Variants in PDE4D observed in about 807,000 individuals in gnomAD.
The protein encoded by PDE4D is phosphodiesterase 4D.
A neutral mutation model predicts 87.4 loss-of-function variants in PDE4D; 24 were observed. The observed-to-expected ratio is 0.27, with a 90% CI of 0.20 to 0.39. The LOEUF is 0.39. Ranked by LOEUF, PDE4D falls within the 10% of genes least tolerant of loss-of-function variation. The pLI is 1.00. For missense variants in PDE4D, 714 were observed against 1,041.0 expected (o/e 0.69, Z 4.32); for synonymous variants, 384 against 383.2 (o/e 1.00, Z -0.02).
intron 5 of PDE4D, among the ~76,000 whole-genome samples, chr5:59,166,931 G>A (rs1024952642): frequency 3.3e-5 from 5 of 152,118 alleles, no homozygotes; most frequent in African/African-American, 7.2e-5. Flanking sequence ...TTCCAGAGAT[G>A]GCTGTTTTGA....
intron 1 of PDE4D, among the ~76,000 whole-genome samples, chr5:59,352,827 T>C (rs1280618953): frequency 6.6e-6 from 1 of 152,178 alleles, no homozygotes; most frequent in Non-Finnish European, 1.5e-5. Flanking sequence ...ATAAATTTAC[T>C]CATTAGACCT....
intron 1 of PDE4D, among the ~76,000 whole-genome samples, chr5:59,537,512 T>C (rs1454930028): frequency 1.3e-5 from 2 of 152,258 alleles, no homozygotes; most frequent in Non-Finnish European, 2.9e-5. Context: ...GCTCTCTTTA[T>C]TCTCAAGGCT....
intron 1 of PDE4D, among the ~76,000 whole-genome samples, chr5:59,286,970 G>A (rs1767073125): frequency 6.6e-6 from 1 of 152,008 alleles, no homozygotes; most frequent in Non-Finnish European, 1.5e-5. Flanking sequence ...GGAGCCATAT[G>A]GCTAAATAGC....
chr5:59,905,684 C>A (rs1026171650), intron 3 of PDE4D, among the ~76,000 whole-genome samples: 7 of 151,990 alleles, frequency 4.6e-5, no homozygotes, highest in Non-Finnish European at 8.8e-5. Context: ...ATGTAAAATG[C>A]TCAGCACAAT....
chr5:59,474,273 A>G (rs976314702), intron 1 of PDE4D, among the ~76,000 whole-genome samples: 2 of 152,140 alleles, frequency 1.3e-5, no homozygotes, highest in East Asian at 3.8e-4. Flanking sequence ...TTATATGACA[A>G]AGTTAACCAA....
Position 59,085,544 on chromosome 5 carries a change from G to A in PDE4D, c.809-46573C>T, listed in dbSNP as rs867504203. On this transcript the variant is annotated intron_variant, in intron 5 of 14. Transcript: ENST00000340635. The stretch of plus-strand genomic sequence containing the variant: ...CCAGGTTGTTCATGGAATTTATCAT[G>A]CAAACAACTACCCTCTTGAGAGAGT... Among the ~76,000 whole-genome samples, 4 of 152,230 alleles carry A rather than the reference G, an allele frequency of 2.6e-5. No homozygotes were observed. In the Middle Eastern group the frequency reaches 0.014, roughly 521 times the overall value.
intron 6 of PDE4D, among the ~76,000 whole-genome samples, chr5:58,994,485 G>C (rs538710633): frequency 4.3e-4 from 66 of 152,058 alleles, no homozygotes; most frequent in African/African-American, 1.6e-3. Flanking sequence ...TAGAGTAACT[G>C]CTATTAGATA....
chr5:59,658,822 T>G (rs886140824), intron 1 of PDE4D, among the ~76,000 whole-genome samples: 3 of 151,184 alleles, frequency 2.0e-5, no homozygotes, highest in Non-Finnish European at 2.9e-5. Flanking sequence ...GTGTGAGTGT[T>G]CGTGTGTGTG....
At chr5:59,949,828 A>G (rs898571242) in intron 3 of PDE4D, among the ~76,000 whole-genome samples, 2 of 152,170 alleles carry the variant, frequency 1.3e-5, no homozygotes, top group African/African-American at 4.8e-5. Context: ...TTTTCCTTAT[A>G]TAACTGTAGA....
intron 1 of PDE4D, among the ~76,000 whole-genome samples, chr5:60,505,937 C>T (rs1378344092): frequency 6.6e-6 from 1 of 152,202 alleles, no homozygotes; most frequent in African/African-American, 2.4e-5. Flanking sequence ...CTGTCTCTAG[C>T]CCAGTCAGGA....
At chr5:59,736,586 C>T (rs1279448156) in intron 1 of PDE4D, among the ~76,000 whole-genome samples, 3 of 151,264 alleles carry the variant, frequency 2.0e-5, no homozygotes, top group African/African-American at 7.3e-5. Context: ...GGCTGAGGCA[C>T]GAGAATTGCT....
At chr5:59,909,002 T>C (rs1004082742) in intron 3 of PDE4D, among the ~76,000 whole-genome samples, 17 of 152,204 alleles carry the variant, frequency 1.1e-4, no homozygotes, top group Admixed American at 6.5e-4. Context: ...CACTGGCTTT[T>C]TAAAGTAAGT....
intron 1 of PDE4D, among the ~76,000 whole-genome samples, chr5:59,788,240 G>C (rs1020994680): frequency 6.6e-6 from 1 of 152,128 alleles, no homozygotes. Flanking sequence ...AAAAAAAAGA[G>C]ACAAGGTTTG....
intron 1 of PDE4D, among the ~76,000 whole-genome samples, chr5:59,712,462 CT>C (rs1754349845): frequency 1.4e-5 from 2 of 140,238 alleles, no homozygotes; most frequent in Admixed American, 1.4e-4. Context: ...CTTTATGTTA[CT>C]CATTAAAACC....
At chr5:60,060,378 T>G (rs1199347136) in intron 2 of PDE4D, among the ~76,000 whole-genome samples, 1 of 152,108 alleles carries the variant, frequency 6.6e-6, no homozygotes, top group Non-Finnish European at 1.5e-5. Flanking sequence ...TTTCTATCTG[T>G]TCCCATGTGT....
chr5:60,401,247 G>A (rs889298032), intron 1 of PDE4D, among the ~76,000 whole-genome samples: 1 of 152,130 alleles, frequency 6.6e-6, no homozygotes, highest in Non-Finnish European at 1.5e-5. Context: ...CAAAAAGCCG[G>A]CTTCATGCTC....
intron 1 of PDE4D, among the ~76,000 whole-genome samples, chr5:59,229,631 A>G (rs1392832941): frequency 2.6e-5 from 4 of 152,300 alleles, no homozygotes; most frequent in African/African-American, 9.6e-5. Context: ...AGCTGCTAGT[A>G]CCACTTCTTA....
rs989696740 is a variant in PDE4D at position 59,219,192 on chromosome 5, A to T, written c.456-3224T>A. On this transcript the variant is annotated intron_variant, in intron 1 of 14. Transcript: ENST00000340635. The stretch of plus-strand genomic sequence containing the variant: ...ACATGTACCCTAAAACTTAAAGTAT[A>T]ATTAAAAAAAAAAAAGAAAAGAAAA... 9.8e-4 allele frequency among the ~76,000 whole-genome samples: 141 copies of T among 143,922 alleles called. 2 individuals are homozygous for T. The highest frequency in any genetic ancestry group is 1.0e-4 in the Non-Finnish European group (7 of 67,698). The allele number at this position is 143,922 out of a possible 152,430, so 94.4% of individuals were successfully genotyped here.
At chr5:60,010,521 C>T (rs1054918587) in intron 2 of PDE4D, among the ~76,000 whole-genome samples, 8 of 152,144 alleles carry the variant, frequency 5.3e-5, no homozygotes, top group African/African-American at 1.9e-4. Flanking sequence ...AAGTTTATCA[C>T]TCCCCAGGGG....
Sources: gnomAD v4.1 joint callset for allele counts (sites outside exome capture counted in the v4.1 genomes callset) on GRCh38, gnomAD v4.1.1 for gene constraint, MANE v1.5 for transcripts, NCBI Gene and HGNC (gene_info 2026-07-23, HGNC 2026-07-21) for gene names.